The following SLC7A10 variants were observed in gnomAD, a reference collection of about 807,000 sequenced individuals.
SLC7A10 encodes the protein solute carrier family 7 member 10, also known as asc-type amino acid transporter 1.
Under a neutral mutation model 52.7 loss-of-function variants are expected in SLC7A10, and 30 were observed. The ratio of observed to expected loss-of-function variants is 0.57; its 90% CI spans 0.43 to 0.77. The LOEUF (loss-of-function observed/expected upper bound fraction) is 0.77. Among genes scored for constraint, SLC7A10 ranks in the 30% least tolerant of loss-of-function variants. The pLI, the probability that SLC7A10 is intolerant of heterozygous loss-of-function variation, is 0.00. For missense variants in SLC7A10, 581 were observed against 698.5 expected (o/e 0.83, Z 1.90); for synonymous variants, 318 against 314.9 (o/e 1.01, Z -0.10).
At position 33,223,325 on chromosome 19, in the gene SLC7A10, AAAAG is replaced by A. The variant is rs1209043160; in HGVS notation, c.151+2224_151+2227del. On this transcript the variant is annotated intron_variant, in intron 1 of 10. Transcript: ENST00000253188. Reference sequence around the variant, plus strand: ...TCTGTCTCAGAAAAAAAAAAAAAAAAAAAGAAAGAAAAAGAAAGGAAAGGAAAGG... The same window carrying A: ...TCTGTCTCAGAAAAAAAAAAAAAAAAAAAGAAAAAGAAAGGAAAGGAAAGG... Among the ~76,000 whole-genome samples, 7 of 142,422 alleles carry A rather than the reference AAAAG, an allele frequency of 4.9e-5. No homozygotes were observed. In the East Asian group the frequency reaches 1.4e-3, roughly 29 times the overall value. The allele number at this position is 142,422 out of a possible 152,430, so 93.4% of individuals were successfully genotyped here.
intron 1 of SLC7A10, among the ~76,000 whole-genome samples, chr19:33,219,041 G>T (rs1362577580): frequency 6.6e-6 from 1 of 152,026 alleles, no homozygotes; most frequent in Non-Finnish European, 1.5e-5. Flanking sequence ...ATACCGCTGA[G>T]CCCCTGTTGG....
At position 33,212,414 on chromosome 19, in the gene SLC7A10, G is replaced by A. The variant is rs757216301; in HGVS notation, c.666C>T (p.Ala222=). ...CGGAGGGCGTCATCCAGAAAGCAAA[G>A]GCATTGCTGGGCCTCAGCTCCTCGA... ...GHFEELRPSN[A]FAFWMTPSVG... The change falls in exon 5 of 11, where the codon GCC becomes GCT. Residue 222 remains alanine, a synonymous_variant. Coordinates refer to ENST00000253188, the MANE Select transcript of SLC7A10 (RefSeq NM_019849.3). 1 of 1,613,944 alleles carries A rather than the reference G, an allele frequency of 6.2e-7. No homozygotes were observed.
chr19:33,225,223 G>A (rs1195591037), intron 1 of SLC7A10, among the ~76,000 whole-genome samples: 2 of 152,250 alleles, frequency 1.3e-5, no homozygotes, highest in Admixed American at 1.3e-4. Flanking sequence ...TCGCAGGACT[G>A]CAGTCATGGC....
chr19:33,209,277 G>C, intron 10 of SLC7A10, 31 bp downstream of exon 10: 1 of 1,613,338 alleles, frequency 6.2e-7, no homozygotes, highest in Non-Finnish European at 8.5e-7. Flanking sequence ...CCGGCCCCCT[G>C]TGCTGGGTGA....
At position 33,210,621 on chromosome 19, in the gene SLC7A10, G is replaced by T; in HGVS notation, c.1114-5C>A. On this transcript the variant is annotated splice_polypyrimidine_tract_variant and splice_region_variant and intron_variant, in intron 8 of 10. Transcript: ENST00000253188. This position sits in a 1 kb window ranked among gnomAD's most constrained non-coding sequence, Gnocchi z 5.6. The stretch of plus-strand genomic sequence containing the variant: ...GATGACGGCTGTGGCCCCGCACTGG[G>T]AGAGGACCTGGGGCTGACGGCTGGC... The T allele has an allele frequency of 6.2e-7, 1 of 1,611,288 alleles. No individual in the cohort carries two copies.
intron 1 of SLC7A10, among the ~76,000 whole-genome samples, chr19:33,218,233 C>T (rs1391799243): frequency 1.3e-5 from 2 of 152,126 alleles, no homozygotes; most frequent in South Asian, 2.1e-4. Flanking sequence ...ACATCTGGCA[C>T]CCTATCTTCC....
In SLC7A10 at chr19:33,211,534, G is replaced by A; in HGVS notation, c.792C>T (p.Asn264=). The A allele has an allele frequency of 6.2e-7, 1 of 1,614,110 alleles. No homozygotes were observed. Among genetic ancestry groups the A allele is most frequent in the Non-Finnish European group, 8.5e-7 (1 of 1,180,034 alleles). Reference sequence around the variant, plus strand: ...TGGAGATGAAGATGGCGCGAGGTAGGTTCCTGGTGACAGGCAGTGGAGTGC... The same window carrying A: ...TGGAGATGAAGATGGCGCGAGGTAGATTCCTGGTGACAGGCAGTGGAGTGC... ...VTEEMVDARK[N]LPRAIFISIP... The change falls in exon 6 of 11, where the codon AAC becomes AAT. Residue 264 remains asparagine, a synonymous_variant. Coordinates refer to ENST00000253188, the MANE Select transcript of SLC7A10 (RefSeq NM_019849.3).
In SLC7A10 at chr19:33,225,793, C is replaced by A; in HGVS notation, c.-90G>T. 7.4e-7 allele frequency: 1 copy of A among 1,348,630 alleles called. No homozygotes were observed. Among genetic ancestry groups the A allele is most frequent in the Non-Finnish European group, 9.5e-7 (1 of 1,048,514 alleles). 83.5% of individuals were successfully genotyped at this position (1,348,630 alleles called of 1,614,324 possible). A position where few individuals can be genotyped will look rare whatever the true frequency, so the allele number is the denominator to read the frequency against. On this transcript the variant is annotated 5_prime_UTR_variant, in exon 1 of 11. It adds an upstream start codon to the 5' untranslated region. Transcript: ENST00000253188. ...TCCGTCGGTCCGTGAGCTCACGGCC[C>A]TCGCAGCCGGGACAGCGCCCACAGG...
chr19:33,214,753 C>T (rs544794377), intron 2 of SLC7A10, among the ~76,000 whole-genome samples: 1 of 152,328 alleles, frequency 6.6e-6, no homozygotes, highest in South Asian at 2.1e-4. Flanking sequence ...TGGCGCACAC[C>T]GTTCTCTTTG....
chr19:33,225,743 G>C lies in SLC7A10; in HGVS notation c.-40C>G, dbSNP rs1172418851. 6.8e-7 allele frequency: 1 copy of C among 1,465,120 alleles called. No individual in the cohort carries two copies. Among genetic ancestry groups the C allele is most frequent in the African/African-American group, 1.5e-5 (1 of 67,530 alleles). 90.8% of individuals were successfully genotyped at this position (1,465,120 alleles called of 1,614,324 possible). ...GCGTCCCCGCTCCCTGCGCTGCCCC[G>C]TCTGTCCGGCCGGCCGCCCGTCGGT... is the stretch of plus-strand genomic sequence containing the variant. On this transcript the variant is annotated 5_prime_UTR_variant, in exon 1 of 11. Coordinates refer to ENST00000253188, the MANE Select transcript of SLC7A10 (RefSeq NM_019849.3).
At chr19:33,216,203 C>T (rs776268560) in intron 1 of SLC7A10, among the ~76,000 whole-genome samples, 6 of 152,224 alleles carry the variant, frequency 3.9e-5, no homozygotes, top group Admixed American at 2.6e-4. Flanking sequence ...TAGGAAATGG[C>T]ACCTCGTTCA....
chr19:33,209,125 G>T, intron 10 of SLC7A10, 104 bp from the exon 11 acceptor site: 1 of 1,568,654 alleles, frequency 6.4e-7, no homozygotes, highest in South Asian at 1.1e-5. Context: ...GAGTTGCTCC[G>T]TCGGTACCCG....
Position 33,208,845 on chromosome 19 carries a change from AAAC to A in SLC7A10, c.*43_*45del, listed in dbSNP as rs777140826. Reference sequence around the variant, plus strand: ...TTTTTTGCCAAAACACCTCCTCAATAAACAACATGTAAACAGAAACAACTGCTT... The same window carrying A: ...TTTTTTGCCAAAACACCTCCTCAATAAACATGTAAACAGAAACAACTGCTT... On this transcript the variant is annotated 3_prime_UTR_variant, in exon 11 of 11. Transcript: ENST00000253188. This position sits in a 1 kb window ranked among gnomAD's most constrained non-coding sequence, Gnocchi z 4.7. 2 of 1,613,712 alleles carry A rather than the reference AAAC, an allele frequency of 1.2e-6. No individual in the cohort carries two copies. The highest frequency in any genetic ancestry group is 1.7e-6 in the Non-Finnish European group (2 of 1,179,854).
Position 33,210,667 on chromosome 19 carries a change from C to T in SLC7A10, c.1114-51G>A. The T allele has an allele frequency of 6.2e-7, 1 of 1,609,714 alleles. No homozygotes were observed. Among genetic ancestry groups the T allele is most frequent in the Non-Finnish European group, 8.5e-7 (1 of 1,179,630 alleles). ...CTGGCCCCTAGCCTGCCTCCTGACG[C>T]CCCTGCAGGATGAGCCCTGGCCCCA... On this transcript the variant is annotated intron_variant, in intron 8 of 10. Coordinates refer to ENST00000253188, the MANE Select transcript of SLC7A10 (RefSeq NM_019849.3). The surrounding 1 kb of genome is among the most constrained non-coding windows in gnomAD (Gnocchi z 5.6).
Position 33,215,886 on chromosome 19 carries a change from AC to A in SLC7A10, c.238del (p.Val80SerfsTer6), listed in dbSNP as rs759294614. ...GSVGLALFVW[V>X]LGGGVTALGS... ...CAGAGCCGTCACGCCCCCACCCAGG[AC>A]CCAGACGAACAGGGCCAGACCCACG... is the stretch of plus-strand genomic sequence containing the variant. On this transcript the variant is annotated frameshift_variant, in exon 2 of 11. Transcript: ENST00000253188. LOFTEE classifies it high-confidence loss of function. 5.0e-6 allele frequency: 8 copies of A among 1,610,542 alleles called. No homozygotes were observed. The African/African-American group carries it at 1.1e-4, about 22-fold the overall frequency.
At chr19:33,216,799 C>T (rs1327039147) in intron 1 of SLC7A10, among the ~76,000 whole-genome samples, 1 of 152,180 alleles carries the variant, frequency 6.6e-6, no homozygotes, top group Non-Finnish European at 1.5e-5. Context: ...AGGCTGGTCT[C>T]GAACTCCTGA....
rs1974533046 is a variant in SLC7A10, at chr19:33,210,888, A to G, written c.1027T>C (p.Ser343Pro). 4.3e-6 allele frequency: 7 copies of G among 1,613,126 alleles called. No individual in the cohort carries two copies. Among genetic ancestry groups the G allele is most frequent in the Non-Finnish European group, 5.9e-6 (7 of 1,179,996 alleles). The change falls in exon 8 of 11, where the codon TCT becomes CCT. Residue 343 changes from serine to proline, a missense_variant. Transcript: ENST00000253188. The surrounding 1 kb of genome is among the most constrained non-coding windows in gnomAD (Gnocchi z 5.6). ...GGCAGGTGCCCCTCGCGGGCTCCAGAGAAGCACAGCCTAGCGTTGGGGACA... is the reference window on the plus strand; with the variant it reads ...GGCAGGTGCCCCTCGCGGGCTCCAGGGAAGCACAGCCTAGCGTTGGGGACA... The part of the protein sequence containing the change: ...YLFTYSRLCF[S>P]GAREGHLPSL...
intron 1 of SLC7A10, among the ~76,000 whole-genome samples, chr19:33,219,072 C>T (rs1974759348): frequency 6.6e-6 from 1 of 151,858 alleles, no homozygotes; most frequent in Admixed American, 6.6e-5. Context: ...CATGGCTGAC[C>T]AGAGAGATGT....
intron 1 of SLC7A10, chr19:33,221,180 C>T (rs1434340070): frequency 6.6e-6 from 1 of 152,372 alleles, no homozygotes; most frequent in Non-Finnish European, 1.5e-5. Flanking sequence ...GAACCCCACC[C>T]CAGATCTCAG....
Sources: gnomAD v4.1 joint callset for allele counts (sites outside exome capture counted in the v4.1 genomes callset) on GRCh38, gnomAD v4.1.1 for gene constraint, Gnocchi (gnomAD v3.1) non-coding constraint, MANE v1.5 for transcripts, NCBI Gene and HGNC (gene_info 2026-07-23, HGNC 2026-07-21) for gene names.